ARHGEF1: variants seen among roughly 807,000 people sequenced by gnomAD.
ARHGEF1 encodes 115 kDa guanine nucleotide exchange factor.
A neutral mutation model predicts 119.7 loss-of-function variants in ARHGEF1; 40 were observed. The observed-to-expected ratio is 0.33, with a 90% CI of 0.26 to 0.44. The LOEUF (loss-of-function observed/expected upper bound fraction) is 0.44, where lower values mean the gene tolerates loss of function less well. Among genes scored for constraint, ARHGEF1 ranks in the 20% least tolerant of loss-of-function variants. The pLI is 1.00. For synonymous variants in ARHGEF1, 494 were observed against 521.0 expected (o/e 0.95, Z 0.71); for missense variants, 976 against 1,268.3 (o/e 0.77, Z 3.50).
chr19:41,903,043 A>T lies in ARHGEF1; in HGVS notation c.1738+145A>T. 1 of 746,190 alleles carries T rather than the reference A, an allele frequency of 1.3e-6. No homozygotes were observed. Among genetic ancestry groups the T allele is most frequent in the South Asian group, 1.9e-5 (1 of 51,852 alleles). 46.2% of individuals were successfully genotyped at this position (746,190 alleles called of 1,614,324 possible). A position where few individuals can be genotyped will look rare whatever the true frequency, so the allele number is the denominator to read the frequency against. On this transcript the variant is annotated intron_variant, in intron 18 of 28. Transcript: ENST00000354532. This position sits in a 1 kb window ranked among gnomAD's most constrained non-coding sequence, Gnocchi z 4.2. ...TACCATCCTCCCACCTCAGCTCCCC[A>T]AGTAGCTGGGACCCCAAGGGCACAC... is the stretch of plus-strand genomic sequence containing the variant.
chr19:41,898,597 GC>G lies in ARHGEF1; in HGVS notation c.1267+15del. On this transcript the variant is annotated intron_variant, in intron 14 of 28. Coordinates refer to ENST00000354532, the MANE Select transcript of ARHGEF1 (RefSeq NM_004706.4). ...CAGGAGGTCATCAGCGGTGAGTACT[GC>G]CCCCATCACCCCACTGTGGCCAAGG... 1 of 1,583,212 alleles carries G rather than the reference GC, an allele frequency of 6.3e-7. No individual in the cohort carries two copies. The highest frequency in any genetic ancestry group is 1.2e-5 in the South Asian group (1 of 86,526).
intron 18 of ARHGEF1, among the ~76,000 whole-genome samples, chr19:41,914,621 C>T (rs62639388): frequency 0.021 from 928 of 43,346 alleles, 132 homozygotes; most frequent in Non-Finnish European, 0.031. Flanking sequence ...TCCCCTTCCA[C>T]CATCTCTGTC....
chr19:41,922,465 G>A (rs888093984), upstream of ARHGEF1, among the ~76,000 whole-genome samples: 8 of 152,158 alleles, frequency 5.3e-5, no homozygotes, highest in Non-Finnish European at 8.8e-5. Flanking sequence ...ACAGGGAATC[G>A]GATGACAAGG....
chr19:41,893,208 T>A, intron 7 of ARHGEF1, 66 bp from the exon 8 acceptor site: 1 of 1,600,034 alleles, frequency 6.2e-7, no homozygotes, highest in East Asian at 2.3e-5. Flanking sequence ...CCCTGAGATG[T>A]ATCCTGGGTG....
Position 41,904,276 on chromosome 19 carries a change from T to C in ARHGEF1, c.2054T>C (p.Leu685Pro). 6.2e-7 allele frequency: 1 copy of C among 1,612,798 alleles called. No homozygotes were observed. Among genetic ancestry groups the C allele is most frequent in the Non-Finnish European group, 8.5e-7 (1 of 1,179,816 alleles). The part of the protein sequence containing the change: ...LLLLQRQDER[L>P]LLKSHSRTLT... Reference sequence around the variant, plus strand: ...CTGCTCCAGCGCCAGGACGAGCGGCTGCTGCTCAAGTCCCATAGCCGGACA... The same window carrying C: ...CTGCTCCAGCGCCAGGACGAGCGGCCGCTGCTCAAGTCCCATAGCCGGACA... Residue 685 changes from leucine (L) to proline (P), a missense_variant, in exon 22 of 29, where the codon CTG becomes CCG. Physicochemically the swap from Leu to Pro is moderately conservative, Grantham distance 98 (BLOSUM62 -3). Transcript: ENST00000354532. The surrounding 1 kb of genome is among the most constrained non-coding windows in gnomAD (Gnocchi z 8.4).
chr19:41,907,507 T>TA, downstream of ARHGEF1: 1 of 1,174,862 alleles, frequency 8.5e-7, no homozygotes. Flanking sequence ...GAACTCTCTG[T>TA]GACTGTCTGG....
rs1249718614 is a variant in ARHGEF1, at chr19:41,906,543, G to T, written c.2578G>T (p.Gly860Cys). ...AGATGGGGATGGGGTCCCAGGGGGCGGCCCCCTGAGCCCAGCACGGACCCA... is the reference window on the plus strand; with the variant it reads ...AGATGGGGATGGGGTCCCAGGGGGCTGCCCCCTGAGCCCAGCACGGACCCA... ...PRDGDGVPGG[G>C]PLSPARTQEI... Residue 860 changes from glycine (G) to cysteine (C), a missense_variant, in exon 27 of 29, where the codon GGC becomes TGC. Transcript: ENST00000354532. This position sits in a 1 kb window ranked among gnomAD's most constrained non-coding sequence, Gnocchi z 4.5. 3 of 1,583,810 alleles carry T rather than the reference G, an allele frequency of 1.9e-6. No homozygotes were observed. In the South Asian group the frequency reaches 3.5e-5, roughly 18 times the overall value.
At chr19:41,901,182 G>T (rs564689286) in intron 14 of ARHGEF1, among the ~76,000 whole-genome samples, 2 of 150,054 alleles carry the variant, frequency 1.3e-5, no homozygotes, top group African/African-American at 4.9e-5. Flanking sequence ...ACGGAGTCTC[G>T]TTCTGTCACC....
chr19:41,896,842 C>T (rs1185936390), intron 13 of ARHGEF1: 1 of 343,380 alleles, frequency 2.9e-6, no homozygotes, highest in Non-Finnish European at 5.7e-6. Context: ...CCTCTCTCAC[C>T]TCCCCCCTCC....
intron 11 of ARHGEF1, among the ~76,000 whole-genome samples, 159 bp downstream of exon 11, chr19:41,894,820 G>A (rs1442329706): frequency 6.7e-6 from 1 of 149,492 alleles, no homozygotes; most frequent in South Asian, 2.1e-4. Flanking sequence ...AGGGAGGAGG[G>A]GCTGGGGGAG....
rs2074389098 is a variant in ARHGEF1, at chr19:41,892,283, C to A, written c.325-48C>A. The A allele has an allele frequency of 6.2e-7, 1 of 1,611,214 alleles. No homozygotes were observed. Among genetic ancestry groups the A allele is most frequent in the African/African-American group, 1.3e-5 (1 of 74,916 alleles). ...TCCTGGCAGTCCTCCCGGCCTGCAT[C>A]TCAGCACACCAAGTCCTCCTCTTCA... On this transcript the variant is annotated intron_variant, in intron 5 of 28. Transcript: ENST00000354532. The surrounding 1 kb of genome is among the most constrained non-coding windows in gnomAD (Gnocchi z 6.3).
At chr19:41,896,791 C>CCTCCTCTCTCCCCTCCCCT in intron 13 of ARHGEF1, 1 of 488,604 alleles carries the variant, frequency 2.0e-6, no homozygotes, top group East Asian at 5.1e-5. Context: ...TTTATTTCCC[C>CCTCCTCTCTCCCCTCCCCT]CTCCTCTCTC....
At chr19:41,891,726 T>G (rs183373739) in intron 4 of ARHGEF1, among the ~76,000 whole-genome samples, 1 of 152,146 alleles carries the variant, frequency 6.6e-6, no homozygotes, top group Non-Finnish European at 1.5e-5. Flanking sequence ...AAGCCGTCAG[T>G]ATAGACAGTA....
intron 9 of ARHGEF1, 47 bp from the exon 10 acceptor site, chr19:41,894,404 T>TG (rs782722507): frequency 1.3e-6 from 2 of 1,526,740 alleles, no homozygotes; most frequent in Non-Finnish European, 1.8e-6. Context: ...TGCTTTGTTG[T>TG]TGTCTCAGAG....
chr19:41,895,126 G>A (rs940084669), intron 11 of ARHGEF1, among the ~76,000 whole-genome samples: 33 of 151,086 alleles, frequency 2.2e-4, no homozygotes, highest in Middle Eastern at 3.4e-3. Context: ...TCTGAGGGAG[G>A]AAGGCCTGGG....
Position 41,905,207 on chromosome 19 carries a change from C to A in ARHGEF1, c.2282C>A (p.Ser761Tyr), listed in dbSNP as rs2074670265. Residue 761 changes from serine (S) to tyrosine (Y), a missense_variant, in exon 24 of 29, where the codon TCC (serine) becomes TAC (tyrosine). Ser to Tyr is a moderately radical substitution (Grantham distance 144, BLOSUM62 -2). Transcript: ENST00000354532. This position sits in a 1 kb window ranked among gnomAD's most constrained non-coding sequence, Gnocchi z 6.4. ...GCTCTCATCACTGAGACTGCCGGAT[C>A]CCTGAAAGTCCCTGCCCCTGCCTCT... ...WCALITETAGSLKVPAPASRP... is the reference protein window; with the variant it reads ...WCALITETAGYLKVPAPASRP... The A allele has an allele frequency of 6.2e-7, 1 of 1,613,948 alleles. No homozygotes were observed. Among genetic ancestry groups the A allele is most frequent in the African/African-American group, 1.3e-5 (1 of 74,916 alleles).
At chr19:41,920,848 C>T (rs1475775426), upstream of ARHGEF1, among the ~76,000 whole-genome samples, 1 of 152,224 alleles carries the variant, frequency 6.6e-6, no homozygotes, top group Admixed American at 6.5e-5. Flanking sequence ...GGGGAGGCTC[C>T]AGGCCAGAGA....
chr19:41,905,436 G>C lies in ARHGEF1; in HGVS notation c.2336+175G>C. 1.6e-6 allele frequency: 1 copy of C among 638,672 alleles called. No homozygotes were observed. The allele number at this position is 638,672 out of a possible 1,614,324, so 39.6% of individuals were successfully genotyped here. On this transcript the variant is annotated intron_variant, in intron 24 of 28. Transcript: ENST00000354532. This position sits in a 1 kb window ranked among gnomAD's most constrained non-coding sequence, Gnocchi z 6.4. ...ATGTGACTGTGCGTGCATATATAGT[G>C]TGTGTATGCATGCATGTGTGCGTGT...
chr19:41,912,677 G>A (rs990777918), intron 18 of ARHGEF1, among the ~76,000 whole-genome samples: 1 of 152,196 alleles, frequency 6.6e-6, no homozygotes. Flanking sequence ...ATCTGGCTGC[G>A]AAGTTTTTAG....
Sources: gnomAD v4.1 joint callset for allele counts (sites outside exome capture counted in the v4.1 genomes callset) on GRCh38, gnomAD v4.1.1 for gene constraint, Gnocchi (gnomAD v3.1) non-coding constraint, MANE v1.5 for transcripts, NCBI Gene and HGNC (gene_info 2026-07-23, HGNC 2026-07-21) for gene names.